The following PIP5K1A variants were observed in gnomAD, a reference collection of about 807,000 sequenced individuals.
PIP5K1A encodes phosphatidylinositol-4-phosphate 5-kinase type 1 alpha.
PIP5K1A carries 46 observed loss-of-function variants against 72.9 expected under a neutral mutation model. That is an observed-to-expected ratio of 0.63 (90% CI 0.50 to 0.81). The LOEUF is 0.81. PIP5K1A is among the 30% of genes least tolerant of loss of function. PIP5K1A has a pLI of 0.00. For synonymous variants in PIP5K1A, 228 were observed against 255.1 expected (o/e 0.89, Z 1.01); for missense variants, 458 against 706.1 (o/e 0.65, Z 3.98).
At chr1:151,241,398 G>C (rs1691676115) in intron 12 of PIP5K1A, among the ~76,000 whole-genome samples, 1 of 150,870 alleles carries the variant, frequency 6.6e-6, no homozygotes, top group African/African-American at 2.4e-5. Context: ...CAGCTACTTG[G>C]GAGGCTGAGG....
chr1:151,229,167 C>CAAA (rs34356281), intron 4 of PIP5K1A, among the ~76,000 whole-genome samples: 4,350 of 41,294 alleles, frequency 0.11, 999 homozygotes, highest in Non-Finnish European at 0.14. Flanking sequence ...GACCCCGTCT[C>CAAA]AAAAAAAAAA....
chr1:151,220,556 TC>T (rs1159137048), intron 1 of PIP5K1A, among the ~76,000 whole-genome samples: 1 of 151,844 alleles, frequency 6.6e-6, no homozygotes, highest in Non-Finnish European at 1.5e-5. Context: ...CAACCTCTGC[TC>T]CCCGGGTTCA....
chr1:151,203,727 G>A (rs1488622189), intron 1 of PIP5K1A, among the ~76,000 whole-genome samples: 1 of 151,864 alleles, frequency 6.6e-6, no homozygotes, highest in Non-Finnish European at 1.5e-5. Flanking sequence ...GGAAGGCTGA[G>A]GCAGGAGAAT....
intron 1 of PIP5K1A, among the ~76,000 whole-genome samples, chr1:151,223,383 C>T (rs1290556453): frequency 1.3e-4 from 19 of 150,306 alleles, no homozygotes; most frequent in Non-Finnish European, 2.7e-4. Flanking sequence ...TGGTGGCTCA[C>T]GCCTGTAATC....
chr1:151,208,291 T>A (rs994516473), intron 1 of PIP5K1A, among the ~76,000 whole-genome samples: 7 of 152,168 alleles, frequency 4.6e-5, no homozygotes, highest in African/African-American at 1.7e-4. Context: ...TAGAAGAGCG[T>A]TAGGAAAAAT....
chr1:151,235,687 T>C (rs758832850), intron 8 of PIP5K1A, among the ~76,000 whole-genome samples: 5 of 152,218 alleles, frequency 3.3e-5, no homozygotes, highest in Non-Finnish European at 7.3e-5. Flanking sequence ...AGCACAAATA[T>C]GTATTCCTTG....
At chr1:151,221,957 C>T (rs1329618814) in intron 1 of PIP5K1A, among the ~76,000 whole-genome samples, 1 of 152,078 alleles carries the variant, frequency 6.6e-6, no homozygotes, top group Non-Finnish European at 1.5e-5. Context: ...CATGGTGGTA[C>T]ACACCTGTAG....
chr1:151,233,099 C>CA (rs11431839), intron 7 of PIP5K1A, among the ~76,000 whole-genome samples: 69,835 of 107,318 alleles, frequency 0.65, 22,171 homozygotes, highest in Non-Finnish European at 0.71. Context: ...GACTCCGTCT[C>CA]AAAAAAAAAA....
chr1:151,201,960 G>A (rs1685275346), intron 1 of PIP5K1A, among the ~76,000 whole-genome samples: 1 of 152,162 alleles, frequency 6.6e-6, no homozygotes, highest in Non-Finnish European at 1.5e-5. Flanking sequence ...CATGGTAATT[G>A]CTCCAATAGC....
chr1:151,217,441 G>A (rs1339692919), intron 1 of PIP5K1A, among the ~76,000 whole-genome samples: 1 of 152,072 alleles, frequency 6.6e-6, no homozygotes. Flanking sequence ...AGAGTCCTTG[G>A]GGTGAAGGAG....
At chr1:151,200,341 G>C (rs1685045416) in intron 1 of PIP5K1A, among the ~76,000 whole-genome samples, 1 of 149,920 alleles carries the variant, frequency 6.7e-6, no homozygotes, top group African/African-American at 2.5e-5. Flanking sequence ...AACGAATGAA[G>C]ATTGAGGGAG....
intron 1 of PIP5K1A, among the ~76,000 whole-genome samples, chr1:151,213,102 C>CAGGA (rs1687081845): frequency 6.6e-6 from 1 of 152,028 alleles, no homozygotes. Flanking sequence ...CTGTGTTAGC[C>CAGGA]AGGATGGTCT....
intron 9 of PIP5K1A, among the ~76,000 whole-genome samples, chr1:151,237,725 G>T (rs1691097086): frequency 6.6e-6 from 1 of 152,066 alleles, no homozygotes; most frequent in Non-Finnish European, 1.5e-5. Flanking sequence ...TGCCTAGTAA[G>T]TGTAATTACT....
intron 4 of PIP5K1A, among the ~76,000 whole-genome samples, chr1:151,230,191 A>G (rs1689838724): frequency 6.6e-6 from 1 of 152,274 alleles, no homozygotes; most frequent in Non-Finnish European, 1.5e-5. Flanking sequence ...CAAATGGAGC[A>G]AAGCTATCTA....
chr1:151,222,652 T>C (rs1035809033), intron 1 of PIP5K1A, among the ~76,000 whole-genome samples: 1 of 152,192 alleles, frequency 6.6e-6, no homozygotes, highest in Non-Finnish European at 1.5e-5. Context: ...CTAAACCGTT[T>C]CCTCTGGGTA....
intron 1 of PIP5K1A, among the ~76,000 whole-genome samples, chr1:151,222,200 T>C (rs999269145): frequency 1.3e-5 from 2 of 152,234 alleles, no homozygotes; most frequent in Non-Finnish European, 2.9e-5. Flanking sequence ...GGCAAAACTT[T>C]AGGCAAGGAA....
At chr1:151,240,138 G>A in intron 12 of PIP5K1A, 99 bp downstream of exon 12, 2 of 804,300 alleles carry the variant, frequency 2.5e-6, no homozygotes, top group Middle Eastern at 4.5e-4. Context: ...AGCTGCCAAT[G>A]CCAGAGGCCT....
intron 4 of PIP5K1A, among the ~76,000 whole-genome samples, chr1:151,230,388 C>G (rs962440472): frequency 1.3e-5 from 2 of 152,180 alleles, no homozygotes; most frequent in Non-Finnish European, 2.9e-5. Context: ...CTAGATGATG[C>G]GATACTTTCC....
intron 1 of PIP5K1A, among the ~76,000 whole-genome samples, chr1:151,211,366 A>G (rs59367244): frequency 6.6e-6 from 1 of 152,266 alleles, no homozygotes; most frequent in East Asian, 1.9e-4. Context: ...GTGTGCCTGT[A>G]GTCCCAGCTA....
Sources: allele counts gnomAD v4.1 joint callset (sites outside exome capture counted in the v4.1 genomes callset), GRCh38; gene constraint gnomAD v4.1.1; transcripts MANE v1.5; gene names NCBI Gene and HGNC (gene_info 2026-07-23, HGNC 2026-07-21).